The following MYRIP variants were observed in gnomAD, a reference collection of about 807,000 sequenced individuals.
MYRIP encodes myosin VIIA and Rab interacting protein.
Under a neutral mutation model 98.0 loss-of-function variants are expected in MYRIP, and 49 were observed. That is an observed-to-expected ratio of 0.50 (90% CI 0.40 to 0.63). The LOEUF (loss-of-function observed/expected upper bound fraction) is 0.63. MYRIP is among the 30% of genes least tolerant of loss of function. The pLI is 0.00. For synonymous variants in MYRIP, 404 were observed against 409.5 expected (o/e 0.99, Z 0.16); for missense variants, 1,004 against 1,058.2 (o/e 0.95, Z 0.71).
At chr3:39,831,344 G>T (rs1941438751) in intron 1 of MYRIP, among the ~76,000 whole-genome samples, 1 of 152,006 alleles carries the variant, frequency 6.6e-6, no homozygotes, top group African/African-American at 2.4e-5. Flanking sequence ...TCTCCCCCTG[G>T]ATGTGCAATA....
rs796148141 is a variant in MYRIP at position 40,140,627 on chromosome 3, A to AT, written c.333-10414dup. 1.1e-3 allele frequency among the ~76,000 whole-genome samples: 174 copies of AT among 152,082 alleles called. 1 individual carries two copies. The highest frequency in any genetic ancestry group is 4.0e-3 in the African/African-American group (166 of 41,480). ...CTCTGCATCCTCATCAGCATTTGCT[A>AT]TTTTTTTGTTTTTTTGATAATAGAC... On this transcript the variant is annotated intron_variant, in intron 3 of 16. Transcript: ENST00000302541.
chr3:40,021,622 C>T (rs1342722935), intron 2 of MYRIP, among the ~76,000 whole-genome samples: 1 of 152,226 alleles, frequency 6.6e-6, no homozygotes, highest in African/African-American at 2.4e-5. Context: ...GTCAAATCTA[C>T]ATCAGTGTGC....
chr3:39,847,075 C>A (rs1195743505), intron 1 of MYRIP, among the ~76,000 whole-genome samples: 2 of 152,174 alleles, frequency 1.3e-5, no homozygotes, highest in African/African-American at 2.4e-5. Flanking sequence ...CCAAAAACAC[C>A]CTGCAAGTTG....
chr3:40,159,970 C>T (rs1173502629), intron 4 of MYRIP, among the ~76,000 whole-genome samples: 2 of 152,178 alleles, frequency 1.3e-5, no homozygotes, highest in Non-Finnish European at 2.9e-5. Context: ...GTAATTTGAT[C>T]ATCTGAAGCC....
At chr3:40,216,233 G>C (rs965355165) in intron 11 of MYRIP, among the ~76,000 whole-genome samples, 1 of 152,152 alleles carries the variant, frequency 6.6e-6, no homozygotes, top group African/African-American at 2.4e-5. Flanking sequence ...GGACAGAAAT[G>C]GTTTGAAGAA....
chr3:39,994,513 G>A (rs1040977751), intron 2 of MYRIP, among the ~76,000 whole-genome samples: 4 of 152,232 alleles, frequency 2.6e-5, no homozygotes, highest in Admixed American at 2.0e-4. Context: ...CATTGCTGAG[G>A]CTTGAGTAGG....
chr3:40,084,792 G>A (rs577323030), intron 3 of MYRIP, among the ~76,000 whole-genome samples: 1 of 51,852 alleles, frequency 1.9e-5, no homozygotes, highest in South Asian at 7.0e-4. Context: ...GTTACATGTC[G>A]ATAGATAATA....
chr3:40,061,267 T>C (rs764892733), intron 3 of MYRIP, among the ~76,000 whole-genome samples: 1 of 152,172 alleles, frequency 6.6e-6, no homozygotes, highest in Non-Finnish European at 1.5e-5. Context: ...CCAGTGTCTG[T>C]TTTTCCCTTC....
chr3:39,847,533 T>C (rs1942001377), intron 1 of MYRIP, among the ~76,000 whole-genome samples: 1 of 152,224 alleles, frequency 6.6e-6, no homozygotes, highest in Non-Finnish European at 1.5e-5. Context: ...CAAGCCCATA[T>C]GCTCCTTGCT....
chr3:39,837,702 C>T (rs570961424), intron 1 of MYRIP, among the ~76,000 whole-genome samples: 1 of 152,244 alleles, frequency 6.6e-6, no homozygotes, highest in South Asian at 2.1e-4. Context: ...TATACAGGCT[C>T]TTTTTTGGTT....
chr3:40,076,767 G>A (rs969027455), intron 3 of MYRIP, among the ~76,000 whole-genome samples: 3 of 152,128 alleles, frequency 2.0e-5, no homozygotes, highest in Admixed American at 1.3e-4. Context: ...GGGTAGAAGG[G>A]ATTTTGGTGG....
intron 10 of MYRIP, among the ~76,000 whole-genome samples, chr3:40,202,442 T>G (rs1262711515): frequency 6.6e-6 from 1 of 152,160 alleles, no homozygotes; most frequent in Non-Finnish European, 1.5e-5. Flanking sequence ...CGCAGATCAC[T>G]GGGGTTACTG....
chr3:39,855,709 C>G (rs1310042763), intron 1 of MYRIP, among the ~76,000 whole-genome samples: 2 of 152,148 alleles, frequency 1.3e-5, no homozygotes, highest in Non-Finnish European at 2.9e-5. Flanking sequence ...CAGACCTTGT[C>G]CCGGGTTGTG....
intron 3 of MYRIP, among the ~76,000 whole-genome samples, chr3:40,055,316 T>G (rs1415168628): frequency 6.6e-6 from 1 of 152,184 alleles, no homozygotes; most frequent in Non-Finnish European, 1.5e-5. Flanking sequence ...TTAAGGTTTT[T>G]GGGAAAAAAT....
intron 1 of MYRIP, among the ~76,000 whole-genome samples, chr3:39,867,969 A>G (rs1942673513): frequency 6.6e-6 from 1 of 152,192 alleles, no homozygotes; most frequent in Non-Finnish European, 1.5e-5. Context: ...ATAATAAAAT[A>G]TTCAGTCATA....
At chr3:39,902,610 T>C (rs778469314) in intron 2 of MYRIP, among the ~76,000 whole-genome samples, 2 of 152,238 alleles carry the variant, frequency 1.3e-5, no homozygotes, top group Non-Finnish European at 2.9e-5. Context: ...ACTAACTTCA[T>C]GTGTGGTTTG....
At chr3:40,135,693 A>C (rs1355804000) in intron 3 of MYRIP, among the ~76,000 whole-genome samples, 2 of 152,256 alleles carry the variant, frequency 1.3e-5, no homozygotes, top group Non-Finnish European at 2.9e-5. Context: ...TCTCCGCAGA[A>C]ACTCTGCAAG....
chr3:40,011,363 T>C (rs2125796151), intron 2 of MYRIP, among the ~76,000 whole-genome samples: 1 of 152,276 alleles, frequency 6.6e-6, no homozygotes, highest in African/African-American at 2.4e-5. Context: ...GTACTTCCCT[T>C]CCCTCTTTCT....
chr3:40,090,397 A>G (rs946862593), intron 3 of MYRIP, among the ~76,000 whole-genome samples: 3 of 152,112 alleles, frequency 2.0e-5, no homozygotes, highest in African/African-American at 7.2e-5. Flanking sequence ...AGAGGAAAGG[A>G]AGGGGCAGTG....
Sources: allele counts gnomAD v4.1 joint callset (sites outside exome capture counted in the v4.1 genomes callset), GRCh38; gene constraint gnomAD v4.1.1; transcripts MANE v1.5; gene names NCBI Gene and HGNC (gene_info 2026-07-23, HGNC 2026-07-21).